Variants in CYP19A1 observed in about 807,000 individuals in gnomAD.
The protein encoded by CYP19A1 is cytochrome P450 family 19 subfamily A member 1.
A neutral mutation model predicts 44.4 loss-of-function variants in CYP19A1; 32 were observed. That is an observed-to-expected ratio of 0.72 (90% CI 0.54 to 0.97). The LOEUF is 0.97. CYP19A1 is among the 50% of genes least tolerant of loss of function. The pLI, the probability that CYP19A1 is intolerant of heterozygous loss-of-function variation, is 0.00. For missense variants in CYP19A1, 598 were observed against 637.8 expected (o/e 0.94, Z 0.67); for synonymous variants, 212 against 215.6 (o/e 0.98, Z 0.14).
At chr15:51,221,961 G>C (rs1207870542) in intron 5 of CYP19A1, 1 of 290,044 alleles carries the variant, frequency 3.4e-6, no homozygotes, top group Non-Finnish European at 6.5e-6. Flanking sequence ...ATATGTGTGG[G>C]TATGTATGTA....
chr15:51,294,695 C>T (rs1342357536), intron 1 of CYP19A1, among the ~76,000 whole-genome samples: 14 of 141,694 alleles, frequency 9.9e-5, no homozygotes, highest in Non-Finnish European at 2.1e-4. Flanking sequence ...GTCAGCCCCC[C>T]GCCCGGCCAG....
At chr15:51,241,325 A>G (rs2033751790) in intron 2 of CYP19A1, among the ~76,000 whole-genome samples, 1 of 152,216 alleles carries the variant, frequency 6.6e-6, no homozygotes, top group Non-Finnish European at 1.5e-5. Flanking sequence ...TCTGAGTCAA[A>G]AAGTCAGGAG....
chr15:51,216,339 C>T (rs1481376368), intron 6 of CYP19A1, among the ~76,000 whole-genome samples: 1 of 152,152 alleles, frequency 6.6e-6, no homozygotes, highest in Admixed American at 6.5e-5. Flanking sequence ...GCAGCCTCTG[C>T]CTCCTGGGTT....
At chr15:51,291,599 C>G (rs1029866794) in intron 1 of CYP19A1, among the ~76,000 whole-genome samples, 1 of 152,142 alleles carries the variant, frequency 6.6e-6, no homozygotes, top group African/African-American at 2.4e-5. Flanking sequence ...TCTAAAGAAG[C>G]CGCAGCAAGA....
chr15:51,272,987 T>A (rs1352815328), intron 1 of CYP19A1, among the ~76,000 whole-genome samples: 1 of 152,116 alleles, frequency 6.6e-6, no homozygotes, highest in Non-Finnish European at 1.5e-5. Flanking sequence ...GAGATGGAGT[T>A]TCACTCTTTC....
intron 1 of CYP19A1, among the ~76,000 whole-genome samples, chr15:51,261,366 C>T (rs929271888): frequency 6.6e-6 from 1 of 152,038 alleles, no homozygotes; most frequent in African/African-American, 2.4e-5. Flanking sequence ...AAAGACCCAC[C>T]CGTAACAGAA....
At chr15:51,219,837 C>T (rs1258262687) in intron 5 of CYP19A1, among the ~76,000 whole-genome samples, 1 of 152,168 alleles carries the variant, frequency 6.6e-6, no homozygotes, top group Admixed American at 6.5e-5. Context: ...AAAATACACG[C>T]CTGTTTCACT....
chr15:51,256,455 C>T (rs536858313), intron 1 of CYP19A1, among the ~76,000 whole-genome samples: 3 of 152,168 alleles, frequency 2.0e-5, no homozygotes, highest in Admixed American at 1.3e-4. Flanking sequence ...AAGATATACA[C>T]CCTGACACCT....
At chr15:51,238,676 T>A (rs1176813067) in intron 2 of CYP19A1, among the ~76,000 whole-genome samples, 1 of 152,138 alleles carries the variant, frequency 6.6e-6, no homozygotes, top group Non-Finnish European at 1.5e-5. Context: ...ATCTTAATAT[T>A]TGGGACCTGC....
intron 2 of CYP19A1, among the ~76,000 whole-genome samples, chr15:51,238,941 G>C: frequency 6.6e-6 from 1 of 152,208 alleles, no homozygotes. Flanking sequence ...AGGGGCAAGA[G>C]AGGAGAGTAT....
chr15:51,229,426 A>G (rs1230666868), intron 3 of CYP19A1, among the ~76,000 whole-genome samples: 1 of 151,362 alleles, frequency 6.6e-6, no homozygotes, highest in Non-Finnish European at 1.5e-5. Context: ...TGTATAAATA[A>G]CTTATTAATA....
intron 1 of CYP19A1, among the ~76,000 whole-genome samples, chr15:51,316,443 G>T (rs1460207315): frequency 1.3e-5 from 2 of 152,212 alleles, no homozygotes; most frequent in Admixed American, 6.5e-5. Context: ...TAAGTGTTTT[G>T]TAATAATAAT....
In CYP19A1 at chr15:51,210,275, C is replaced by T; in HGVS notation, c.*533G>A. The T allele has an allele frequency of 2.2e-6, 1 of 453,614 alleles. No homozygotes were observed. The allele number at this position is 453,614 out of a possible 1,614,324, so 28.1% of individuals were successfully genotyped here. A position where few individuals can be genotyped will look rare whatever the true frequency, so the allele number is the denominator to read the frequency against. On this transcript the variant is annotated 3_prime_UTR_variant, in exon 10 of 10. Transcript: ENST00000396402. ...CTTAATTCACAGCAAGGGTCAAATGCTGAATTTCTAAGCATTTCTCCAAAG... is the reference window on the plus strand; with the variant it reads ...CTTAATTCACAGCAAGGGTCAAATGTTGAATTTCTAAGCATTTCTCCAAAG...
chr15:51,218,376 C>T (rs2031770738), intron 6 of CYP19A1, 165 bp downstream of exon 6: 2 of 1,111,310 alleles, frequency 1.8e-6, no homozygotes, highest in Admixed American at 2.9e-5. Context: ...CCAAATGCAG[C>T]CAAATTGCTG....
At chr15:51,243,662 G>A (rs764146382) in intron 1 of CYP19A1, among the ~76,000 whole-genome samples, 2 of 152,200 alleles carry the variant, frequency 1.3e-5, no homozygotes, top group Non-Finnish European at 2.9e-5. Flanking sequence ...AGGGAGAAGA[G>A]AATGAAAGGA....
rs3842333 is a variant in CYP19A1, at chr15:51,223,258, G to GGAATGAATGAATGAAT, written c.452-749_452-734dup. Among the ~76,000 whole-genome samples, 556 of 151,096 alleles carry GGAATGAATGAATGAAT rather than the reference G, an allele frequency of 3.7e-3. 4 individuals are homozygous for GGAATGAATGAATGAAT. The highest frequency in any genetic ancestry group is 0.013 in the African/African-American group (538 of 41,078). ...CCTTCATACATATTTTTTCAATAGA[G>GGAATGAATGAATGAAT]GAATGAATGAATGAATGAATGAATG... On this transcript the variant is annotated intron_variant, in intron 4 of 9. Coordinates refer to ENST00000396402, the MANE Select transcript of CYP19A1 (RefSeq NM_000103.4).
intron 1 of CYP19A1, chr15:51,278,898 C>T (rs2035420060): frequency 6.6e-6 from 1 of 152,158 alleles, no homozygotes; most frequent in African/African-American, 2.4e-5. Flanking sequence ...TACTGTCCCA[C>T]ATAGGGACAT....
chr15:51,283,096 C>A (rs2035582057), intron 1 of CYP19A1, among the ~76,000 whole-genome samples: 6 of 151,982 alleles, frequency 3.9e-5, no homozygotes, highest in Admixed American at 3.9e-4. Context: ...ATAAAGGCAG[C>A]TTTTGAGCCA....
intron 1 of CYP19A1, among the ~76,000 whole-genome samples, chr15:51,247,294 G>C (rs1287758449): frequency 6.6e-6 from 1 of 151,926 alleles, no homozygotes; most frequent in Non-Finnish European, 1.5e-5. Context: ...TTCTGTGAAG[G>C]CACCTCCCCC....
Sources: gnomAD v4.1 joint callset for allele counts (sites outside exome capture counted in the v4.1 genomes callset) on GRCh38, gnomAD v4.1.1 for gene constraint, MANE v1.5 for transcripts, NCBI Gene and HGNC (gene_info 2026-07-23, HGNC 2026-07-21) for gene names.